NTAQ1: variants seen among roughly 807,000 people sequenced by gnomAD.
The protein encoded by NTAQ1 is protein N-terminal glutamine amidohydrolase.
A neutral mutation model predicts 28.2 loss-of-function variants in NTAQ1; 21 were observed. The observed-to-expected ratio is 0.74, with a 90% CI of 0.53 to 1.07. The LOEUF (loss-of-function observed/expected upper bound fraction) is 1.07. Ranked by LOEUF, NTAQ1 falls within the 50% of genes least tolerant of loss-of-function variation. The probability of loss-of-function intolerance (pLI) is 0.00; values close to 1 mark genes in which losing one functional copy is unlikely to be tolerated. For synonymous variants in NTAQ1, 105 were observed against 90.0 expected, an observed-to-expected ratio of 1.17 and a Z score of -0.94; for missense variants, 264 against 256.6, an observed-to-expected ratio of 1.03 and a Z score of -0.20.
intron 6 of NTAQ1, among the ~76,000 whole-genome samples, chr8:123,458,106 T>G (rs1381095854): frequency 1.3e-5 from 2 of 148,884 alleles, no homozygotes; most frequent in African/African-American, 2.5e-5. Context: ...ACTGTTTTTT[T>G]TTTTTTTTTT....
intron 6 of NTAQ1, among the ~76,000 whole-genome samples, chr8:123,465,982 G>GT (rs1815952540): frequency 6.6e-6 from 1 of 152,150 alleles, no homozygotes; most frequent in Admixed American, 6.5e-5. Flanking sequence ...CCCATTCACA[G>GT]TTTGTCATTC....
chr8:123,447,625 A>C (rs4419795), intron 6 of NTAQ1, among the ~76,000 whole-genome samples: 55,100 of 152,052 alleles, frequency 0.36, 10,111 homozygotes, highest in East Asian at 0.56. Flanking sequence ...AAATTAAGGA[A>C]AAAAAGCACC....
downstream of NTAQ1, among the ~76,000 whole-genome samples, chr8:123,471,560 C>CCCT (rs1289924047): frequency 6.6e-6 from 1 of 152,142 alleles, no homozygotes; most frequent in Admixed American, 6.5e-5. Flanking sequence ...TGTCCAAAGA[C>CCCT]CTGAGATCCA....
At chr8:123,444,012 T>TA (rs1456570004), downstream of NTAQ1, among the ~76,000 whole-genome samples, 1 of 152,096 alleles carries the variant, frequency 6.6e-6, no homozygotes, top group Non-Finnish European at 1.5e-5. Flanking sequence ...TAGGAACTGT[T>TA]ATTTATGTCT....
At chr8:123,420,502 A>G (rs1288372955) in intron 1 of NTAQ1, among the ~76,000 whole-genome samples, 1 of 151,784 alleles carries the variant, frequency 6.6e-6, no homozygotes, top group Non-Finnish European at 1.5e-5. Flanking sequence ...ACTGCTTTCC[A>G]CAGTGGCTTA....
chr8:123,463,332 C>A (rs1165454728), intron 6 of NTAQ1, among the ~76,000 whole-genome samples: 1 of 152,004 alleles, frequency 6.6e-6, no homozygotes, highest in Non-Finnish European at 1.5e-5. Flanking sequence ...TTCTTTATTG[C>A]TTTTTTTGGT....
At position 123,432,358 on chromosome 8, in the gene NTAQ1, G is replaced by A. The variant is rs138476796; in HGVS notation, c.234+2325G>A. Among the ~76,000 whole-genome samples, 306 of 152,172 alleles carry A rather than the reference G, an allele frequency of 2.0e-3. 2 individuals are homozygous for A. Among genetic ancestry groups the A allele is most frequent in the African/African-American group, 6.9e-3 (286 of 41,514 alleles). ...TAAAATCATTCCTATAATAATTTCA[G>A]GTTGGGCGTGGTGGCTCACACCTGT... On this transcript the variant is annotated intron_variant, in intron 3 of 5. Transcript: ENST00000287387.
At chr8:123,458,787 A>G (rs1202610458) in intron 6 of NTAQ1, among the ~76,000 whole-genome samples, 3 of 151,744 alleles carry the variant, frequency 2.0e-5, no homozygotes, top group Admixed American at 1.3e-4. Flanking sequence ...CGCCCGGCTA[A>G]TTTTTTGTAT....
At chr8:123,430,124 C>A in intron 3 of NTAQ1, 91 bp downstream of exon 3, 4 of 905,682 alleles carry the variant, frequency 4.4e-6, no homozygotes, top group Non-Finnish European at 6.8e-6. Flanking sequence ...GTGACCTAAG[C>A]AGTAGAGAAA....
In NTAQ1 at chr8:123,416,949, G is replaced by A. The variant is rs996012783; in HGVS notation, c.83+17G>A. The A allele has an allele frequency of 1.4e-5, 21 of 1,466,592 alleles. No homozygotes were observed. Among genetic ancestry groups the A allele is most frequent in the Non-Finnish European group, 1.6e-5 (18 of 1,105,618 alleles). 90.8% of individuals were successfully genotyped at this position (1,466,592 alleles called of 1,614,324 possible). A position where few individuals can be genotyped will look rare whatever the true frequency, so the allele number is the denominator to read the frequency against. ...CTGCTACTGGTGAGGGGGCGCGGGC[G>A]CAGCCTCTGGGTCTCCCAGGCTCCC... On this transcript the variant is annotated intron_variant, in intron 1 of 5. Coordinates refer to ENST00000287387, the MANE Select transcript of NTAQ1 (RefSeq NM_018024.3).
At chr8:123,458,412 G>A (rs1275665599) in intron 6 of NTAQ1, among the ~76,000 whole-genome samples, 1 of 152,044 alleles carries the variant, frequency 6.6e-6, no homozygotes, top group Non-Finnish European at 1.5e-5. Flanking sequence ...GCTGCTGTGA[G>A]TGAAAGTGAG....
intron 6 of NTAQ1, among the ~76,000 whole-genome samples, chr8:123,462,727 C>T (rs1377933584): frequency 1.3e-5 from 2 of 152,188 alleles, no homozygotes; most frequent in Admixed American, 1.3e-4. Context: ...GACTGTTTGA[C>T]TCCAGAGCTC....
intron 1 of NTAQ1, among the ~76,000 whole-genome samples, chr8:123,427,075 T>C (rs1426878746): frequency 6.6e-6 from 1 of 152,082 alleles, no homozygotes; most frequent in African/African-American, 2.4e-5. Context: ...ACATAATTGC[T>C]CCTGATTCTT....
intron 1 of NTAQ1, among the ~76,000 whole-genome samples, chr8:123,423,443 C>T (rs4871374): frequency 3.8e-4 from 20 of 52,322 alleles, no homozygotes; most frequent in East Asian, 2.2e-3. Context: ...CTTTTTCTTT[C>T]TTTCTTTCTT....
Position 123,441,549 on chromosome 8 carries a change from A to G in NTAQ1, c.*134A>G. ...TCTCTTTTAATTTGATTGAGTGGAA[A>G]TCTGAGTGAATACAAATATAAATGA... On this transcript the variant is annotated 3_prime_UTR_variant, in exon 6 of 6. Coordinates refer to ENST00000287387, the MANE Select transcript of NTAQ1 (RefSeq NM_018024.3). 1.4e-6 allele frequency: 1 copy of G among 733,216 alleles called. No homozygotes were observed. Among genetic ancestry groups the G allele is most frequent in the Non-Finnish European group, 2.3e-6 (1 of 437,892 alleles). 45.4% of individuals were successfully genotyped at this position (733,216 alleles called of 1,614,324 possible).
intron 1 of NTAQ1, among the ~76,000 whole-genome samples, chr8:123,422,307 A>C (rs1813748983): frequency 1.4e-5 from 2 of 145,642 alleles, no homozygotes; most frequent in Non-Finnish European, 1.5e-5. Flanking sequence ...ACAGGGTCTC[A>C]CTCTGTCACC....
intron 3 of NTAQ1, chr8:123,435,441 G>C: frequency 1.0e-6 from 1 of 985,264 alleles, no homozygotes; most frequent in Non-Finnish European, 1.2e-6. Context: ...CTCCTCTCCA[G>C]GCTGACCCCC....
chr8:123,430,048 A>G lies in NTAQ1; in HGVS notation c.234+15A>G. ...CTGTGATCTGGGTAAGACAGTTAAT[A>G]CAGAGAGTATTGACGCATTATGACT... On this transcript the variant is annotated intron_variant, in intron 3 of 5. Coordinates refer to ENST00000287387, the MANE Select transcript of NTAQ1 (RefSeq NM_018024.3). 2 of 1,609,546 alleles carry G rather than the reference A, an allele frequency of 1.2e-6. No homozygotes were observed. The highest frequency in any genetic ancestry group is 1.7e-6 in the Non-Finnish European group (2 of 1,176,762).
rs571946437 is a variant in NTAQ1 at position 123,437,462 on chromosome 8, G to A, written c.508+128G>A. Reference sequence around the variant, plus strand: ...CTCCATGAGTGAATCCCAGCACTTTGGGAGGCCGAGGTGGGCGGATCACGA... The same window carrying A: ...CTCCATGAGTGAATCCCAGCACTTTAGGAGGCCGAGGTGGGCGGATCACGA... On this transcript the variant is annotated intron_variant, in intron 5 of 5. Coordinates refer to ENST00000287387, the MANE Select transcript of NTAQ1 (RefSeq NM_018024.3). The A allele has an allele frequency of 2.9e-6, 4 of 1,368,586 alleles. No individual in the cohort carries two copies. In the African/African-American group the frequency reaches 5.8e-5, roughly 20 times the overall value. The allele number at this position is 1,368,586 out of a possible 1,614,324, so 84.8% of individuals were successfully genotyped here.
Sources: gnomAD v4.1 joint callset for allele counts (sites outside exome capture counted in the v4.1 genomes callset) on GRCh38, gnomAD v4.1.1 for gene constraint, MANE v1.5 for transcripts, NCBI Gene and HGNC (gene_info 2026-07-23, HGNC 2026-07-21) for gene names.